METTL21A: variants seen among roughly 807,000 people sequenced by gnomAD.
METTL21A encodes protein N-lysine methyltransferase METTL21A.
In METTL21A, 22 loss-of-function variants were observed where a neutral mutation model predicts 20.9. The observed-to-expected ratio is 1.05, with a 90% confidence interval of 0.75 to 1.50. The LOEUF (loss-of-function observed/expected upper bound fraction) is 1.50. METTL21A is among the 40% of genes most tolerant of loss of function. METTL21A has a pLI of 0.00. For synonymous variants in METTL21A, 93 were observed against 102.0 expected (o/e 0.91, Z 0.53); for missense variants, 271 against 266.8 (o/e 1.02, Z -0.11).
chr2:207,617,530 T>A (rs948632113), intron 3 of METTL21A, among the ~76,000 whole-genome samples: 1 of 152,156 alleles, frequency 6.6e-6, no homozygotes, highest in African/African-American at 2.4e-5. Context: ...TGCACTCCAA[T>A]CTTGCTGAGA....
intron 3 of METTL21A, chr2:207,603,373 T>C: frequency 4.4e-6 from 1 of 224,752 alleles, no homozygotes; most frequent in South Asian, 1.8e-4. Flanking sequence ...TCAACTGTCA[T>C]AATGCTCTTT....
intron 3 of METTL21A, among the ~76,000 whole-genome samples, chr2:207,618,574 G>A (rs2090076898): frequency 6.6e-6 from 1 of 152,102 alleles, no homozygotes. Context: ...GCAGAGGCAG[G>A]TGCCTGTAAT....
chr2:207,598,799 GAT>G (rs1297438515), intron 3 of METTL21A: 1 of 170,242 alleles, frequency 5.9e-6, no homozygotes, highest in Admixed American at 6.4e-5. Flanking sequence ...AGTGAGCCGA[GAT>G]AGCACCATTG....
In METTL21A at chr2:207,622,902, ATTAT is replaced by A. The variant is rs762555878; in HGVS notation, c.148-989_148-986del. ...TTTACGAGTCTTCCCATTCCTCGTT[ATTAT>A]TTATCTTTTTTTTTTTTTTGAGATG... On this transcript the variant is annotated intron_variant, in intron 2 of 3. Transcript: ENST00000406927. Among the ~76,000 whole-genome samples the A allele has an allele frequency of 2.0e-5, 3 of 151,070 alleles. No individual in the cohort carries two copies. The South Asian group carries it at 6.3e-4, about 32-fold the overall frequency.
chr2:207,585,535 G>A (rs905920572), intron 3 of METTL21A, among the ~76,000 whole-genome samples: 1 of 152,090 alleles, frequency 6.6e-6, no homozygotes, highest in Non-Finnish European at 1.5e-5. Context: ...GAGGAAACAC[G>A]ATACCTCCAA....
chr2:207,599,659 TA>T, intron 3 of METTL21A: 1 of 199,826 alleles, frequency 5.0e-6, no homozygotes, highest in Non-Finnish European at 1.0e-5. Flanking sequence ...GATTTCAGTT[TA>T]TAAAGATAAA....
intron 3 of METTL21A, among the ~76,000 whole-genome samples, chr2:207,614,212 G>T (rs528370711): frequency 8.5e-5 from 13 of 152,248 alleles, no homozygotes; most frequent in African/African-American, 2.9e-4. Context: ...ACCAGCCTGG[G>T]TAACACAGGG....
chr2:207,599,821 TAATA>T (rs1490317557), intron 3 of METTL21A: 1 of 195,240 alleles, frequency 5.1e-6, no homozygotes, highest in Non-Finnish European at 1.1e-5. Context: ...ACATTACCAG[TAATA>T]AATGTTTTTC....
At chr2:207,612,630 T>C (rs900973700), downstream of METTL21A, 3 of 155,034 alleles carry the variant, frequency 1.9e-5, no homozygotes, top group South Asian at 2.0e-4. Flanking sequence ...TCCAGAAAAT[T>C]AGAAAACTCA....
intron 3 of METTL21A, chr2:207,598,339 CA>C: frequency 5.4e-6 from 1 of 184,496 alleles, no homozygotes; most frequent in Non-Finnish European, 1.1e-5. Context: ...TTTAGCTTTC[CA>C]ATATGCTGTA....
intron 3 of METTL21A, chr2:207,620,681 C>T (rs1575151859): frequency 5.2e-6 from 8 of 1,534,944 alleles, no homozygotes; most frequent in Non-Finnish European, 6.1e-6. Flanking sequence ...AGGGCTTCAT[C>T]GATGACTTAA....
chr2:207,588,297 A>T (rs759406203), intron 3 of METTL21A, among the ~76,000 whole-genome samples: 2 of 152,076 alleles, frequency 1.3e-5, no homozygotes, highest in African/African-American at 4.8e-5. Context: ...TGAAAAGACT[A>T]TTCTTTCTCT....
chr2:207,597,356 G>A, intron 3 of METTL21A: 1 of 302,666 alleles, frequency 3.3e-6, no homozygotes, highest in Non-Finnish European at 6.0e-6. Context: ...TAAATTGATG[G>A]GAGAAATGAG....
At chr2:207,602,978 G>C (rs1222138633) in intron 3 of METTL21A, 1 of 214,458 alleles carries the variant, frequency 4.7e-6, no homozygotes, top group African/African-American at 2.3e-5. Flanking sequence ...TCCTAGAAAG[G>C]TGTTTGGCTT....
chr2:207,618,963 C>T (rs1036481318), intron 3 of METTL21A, among the ~76,000 whole-genome samples: 1 of 152,032 alleles, frequency 6.6e-6, no homozygotes, highest in African/African-American at 2.4e-5. Context: ...AGCTTTGTGA[C>T]CTCAGGCAAG....
chr2:207,586,133 A>G (rs2083790591), intron 3 of METTL21A, among the ~76,000 whole-genome samples: 1 of 152,240 alleles, frequency 6.6e-6, no homozygotes, highest in Non-Finnish European at 1.5e-5. Context: ...CCAAATAGCC[A>G]AAGCATTCCT....
intron 3 of METTL21A, among the ~76,000 whole-genome samples, chr2:207,620,042 C>G (rs1002403046): frequency 6.6e-6 from 1 of 152,176 alleles, no homozygotes; most frequent in Non-Finnish European, 1.5e-5. Flanking sequence ...ATACACCAGC[C>G]AAGAAAGTTT....
chr2:207,595,829 A>G (rs1396933966), intron 3 of METTL21A, among the ~76,000 whole-genome samples: 2 of 152,156 alleles, frequency 1.3e-5, no homozygotes, highest in Admixed American at 6.5e-5. Context: ...TCAGCCTCCC[A>G]AAGTGCTGGG....
At chr2:207,590,095 T>G (rs1360478195) in intron 3 of METTL21A, among the ~76,000 whole-genome samples, 1 of 142,072 alleles carries the variant, frequency 7.0e-6, no homozygotes, top group Admixed American at 7.4e-5. Flanking sequence ...TTTTTTTTTT[T>G]TTTTTTTTTT....
Sources: allele counts gnomAD v4.1 joint callset (sites outside exome capture counted in the v4.1 genomes callset), GRCh38; gene constraint gnomAD v4.1.1; transcripts MANE v1.5; gene names NCBI Gene and HGNC (gene_info 2026-07-23, HGNC 2026-07-21).